Variants in GLIS3 observed in about 807,000 individuals in gnomAD.
GLIS3 encodes the protein GLIS family zinc finger 3.
In GLIS3, 53 loss-of-function variants were observed where a neutral mutation model predicts 78.6. The observed-to-expected ratio is 0.67, with a 90% CI of 0.54 to 0.85. The LOEUF (loss-of-function observed/expected upper bound fraction) is 0.85. Among genes scored for constraint, GLIS3 ranks in the 40% least tolerant of loss-of-function variants. The pLI, the probability that GLIS3 is intolerant of heterozygous loss-of-function variation, is 0.00. For missense variants in GLIS3, 1,703 were observed against 1,231.1 expected, an observed-to-expected ratio of 1.38 and a Z score of -5.74; for synonymous variants, 684 against 509.9, an observed-to-expected ratio of 1.34 and a Z score of -4.60.
chr9:4,206,716 G>A (rs1285108920), intron 2 of GLIS3, among the ~76,000 whole-genome samples: 1 of 152,212 alleles, frequency 6.6e-6, no homozygotes. Flanking sequence ...GGTGAAAAAT[G>A]CAGAATTGTG....
intron 6 of GLIS3, among the ~76,000 whole-genome samples, chr9:3,914,337 T>TG (rs1824356534): frequency 6.6e-6 from 1 of 151,440 alleles, no homozygotes; most frequent in East Asian, 1.9e-4. Context: ...TTGGATTTTT[T>TG]TTTTTTTTTT....
At chr9:4,276,823 T>C (rs1032418793) in intron 2 of GLIS3, among the ~76,000 whole-genome samples, 1 of 152,032 alleles carries the variant, frequency 6.6e-6, no homozygotes, top group Admixed American at 6.5e-5. Context: ...GCTCAGAGAG[T>C]AAACAAAAGT....
chr9:3,867,312 G>T (rs551488905), intron 8 of GLIS3, among the ~76,000 whole-genome samples: 1 of 152,292 alleles, frequency 6.6e-6, no homozygotes, highest in East Asian at 1.9e-4. Context: ...TAAAAAGAAA[G>T]CAACCAATGT....
chr9:4,481,726 C>G, the GLIS3 span, among the ~76,000 whole-genome samples: 2 of 152,022 alleles, frequency 1.3e-5, no homozygotes, highest in South Asian at 2.1e-4. Context: ...GGTGAAGAGC[C>G]CTTGTGCACA....
rs913971118 is a variant in GLIS3, at chr9:4,293,577, G to C, written c.-99+5844C>G. On this transcript the variant is annotated intron_variant, in intron 1 of 10. Transcript: ENST00000381971. Reference sequence around the variant, plus strand: ...TGGAATCTATCGGTCATGCTGAAAAGGTTGGGAAAACATTAATCCATTTCT... The same window carrying C: ...TGGAATCTATCGGTCATGCTGAAAACGTTGGGAAAACATTAATCCATTTCT... 3.3e-5 allele frequency among the ~76,000 whole-genome samples: 5 copies of C among 152,334 alleles called. 1 individual carries two copies. Among genetic ancestry groups the C allele is most frequent in the East Asian group, 1.9e-4 (1 of 5,188 alleles).
At chr9:4,229,900 G>A (rs1436047188) in intron 2 of GLIS3, among the ~76,000 whole-genome samples, 1 of 152,198 alleles carries the variant, frequency 6.6e-6, no homozygotes, top group Non-Finnish European at 1.5e-5. Context: ...GAATAACACT[G>A]ATATTTACAC....
At chr9:4,378,491 C>T in the GLIS3 span, among the ~76,000 whole-genome samples, 1 of 151,962 alleles carries the variant, frequency 6.6e-6, no homozygotes, top group Non-Finnish European at 1.5e-5. Context: ...AAGAGAAGGC[C>T]TTAAAATATG....
chr9:3,860,101 C>G (rs929267466), intron 8 of GLIS3, among the ~76,000 whole-genome samples: 4 of 151,876 alleles, frequency 2.6e-5, no homozygotes, highest in African/African-American at 9.7e-5. Flanking sequence ...CGGTGAAAGT[C>G]TGTCTCTACT....
intron 2 of GLIS3, among the ~76,000 whole-genome samples, chr9:4,190,063 T>C (rs900011401): frequency 2.6e-5 from 4 of 151,936 alleles, no homozygotes; most frequent in Admixed American, 1.3e-4. Flanking sequence ...CAAAAGTAGA[T>C]AAAACCACAA....
At position 4,037,699 on chromosome 9, in the gene GLIS3, C is replaced by T. The variant is rs530677976; in HGVS notation, c.1710+80069G>A. Among the ~76,000 whole-genome samples, 6 of 152,304 alleles carry T rather than the reference C, an allele frequency of 3.9e-5. No individual in the cohort carries two copies. In the East Asian group the frequency reaches 1.2e-3, roughly 29 times the overall value. On this transcript the variant is annotated intron_variant, in intron 4 of 10. Coordinates refer to ENST00000381971, the MANE Select transcript of GLIS3 (RefSeq NM_001042413.2). Reference sequence around the variant, plus strand: ...GAAAAATAGGTAATAACCTTGCCAACAGACTCGGAGTCACCATTCTCTTGA... The same window carrying T: ...GAAAAATAGGTAATAACCTTGCCAATAGACTCGGAGTCACCATTCTCTTGA...
At chr9:3,884,951 C>G (rs111693253) in intron 7 of GLIS3, among the ~76,000 whole-genome samples, 1 of 152,120 alleles carries the variant, frequency 6.6e-6, no homozygotes, top group African/African-American at 2.4e-5. Context: ...AGCCACTAAT[C>G]CCCCACCACA....
At chr9:4,300,742 G>T (rs1587368876), upstream of GLIS3, among the ~76,000 whole-genome samples, 1 of 151,802 alleles carries the variant, frequency 6.6e-6, no homozygotes, top group South Asian at 2.1e-4. Flanking sequence ...GCTTCTGCTT[G>T]TGTTGACCAG....
At chr9:4,288,293 C>T (rs1406112537) in intron 1 of GLIS3, among the ~76,000 whole-genome samples, 1 of 151,950 alleles carries the variant, frequency 6.6e-6, no homozygotes, top group Non-Finnish European at 1.5e-5. Flanking sequence ...CTGAACCCTG[C>T]AGAAGAAAGC....
chr9:4,229,476 G>C (rs1490346810), intron 2 of GLIS3, among the ~76,000 whole-genome samples: 1 of 152,136 alleles, frequency 6.6e-6, no homozygotes, highest in Non-Finnish European at 1.5e-5. Flanking sequence ...AGTTATAGTG[G>C]GTCTTTAAAA....
chr9:4,401,220 C>A, the GLIS3 span, among the ~76,000 whole-genome samples: 1 of 152,064 alleles, frequency 6.6e-6, no homozygotes, highest in Non-Finnish European at 1.5e-5. Flanking sequence ...GCAGCATTAA[C>A]CATGAACTGA....
At chr9:4,037,143 T>G (rs774579542) in intron 4 of GLIS3, among the ~76,000 whole-genome samples, 18 of 152,214 alleles carry the variant, frequency 1.2e-4, no homozygotes, top group South Asian at 4.1e-4. Flanking sequence ...ACTTTGAAGA[T>G]TAAATGAAAT....
intron 2 of GLIS3, among the ~76,000 whole-genome samples, chr9:4,163,088 T>A (rs957488343): frequency 2.0e-5 from 3 of 152,136 alleles, no homozygotes; most frequent in Admixed American, 6.5e-5. Context: ...ATGTTATACA[T>A]CACCTCCACT....
At chr9:3,837,562 T>G (rs1317518083) in intron 9 of GLIS3, among the ~76,000 whole-genome samples, 1 of 152,174 alleles carries the variant, frequency 6.6e-6, no homozygotes, top group Non-Finnish European at 1.5e-5. Flanking sequence ...CTGCAGTACA[T>G]GCAGGCAATG....
chr9:4,302,790 G>C (rs1293289944), upstream of GLIS3, among the ~76,000 whole-genome samples: 1 of 152,224 alleles, frequency 6.6e-6, no homozygotes, highest in Non-Finnish European at 1.5e-5. Flanking sequence ...AAAGCATCTT[G>C]TGGTCAGTGT....
Sources: gnomAD v4.1 joint callset for allele counts (sites outside exome capture counted in the v4.1 genomes callset) on GRCh38, gnomAD v4.1.1 for gene constraint, MANE v1.5 for transcripts, NCBI Gene and HGNC (gene_info 2026-07-23, HGNC 2026-07-21) for gene names.